Variants in NAF1 observed in about 807,000 individuals in gnomAD.
The protein encoded by NAF1 is nuclear assembly factor 1 ribonucleoprotein.
NAF1 carries 11 observed loss-of-function variants against 40.6 expected under a neutral mutation model. The observed-to-expected ratio is 0.27, with a 90% CI of 0.17 to 0.45. The LOEUF (loss-of-function observed/expected upper bound fraction) is 0.45, where lower values mean the gene tolerates loss of function less well. Ranked by LOEUF, NAF1 falls within the 20% of genes least tolerant of loss-of-function variation. The pLI is 1.00. For synonymous variants in NAF1, 260 were observed against 228.5 expected, an observed-to-expected ratio of 1.14 and a Z score of -1.24; for missense variants, 607 against 611.1, an observed-to-expected ratio of 0.99 and a Z score of 0.07.
chr4:163,164,371 G>A lies in NAF1; in HGVS notation c.386C>T (p.Ser129Leu), dbSNP rs775836279. The A allele has an allele frequency of 4.4e-6, 7 of 1,582,190 alleles. No homozygotes were observed. In the Admixed American group the frequency reaches 5.4e-5, roughly 12 times the overall value. ...DSDSETDSDS[S>L]SSSSSSSSSS... ...AGATGAAGAGGAAGACGATGAACTT[G>A]AACTATCTGAATCTGTTTCACTGTA... Residue 129 changes from serine (S) to leucine (L), a missense_variant, in exon 2 of 8, where the codon TCA becomes TTA. Ser to Leu is a moderately radical substitution (Grantham distance 145, BLOSUM62 -2). Coordinates refer to ENST00000274054, the MANE Select transcript of NAF1 (RefSeq NM_138386.3).
At chr4:163,163,659 G>A (rs1432745403) in intron 2 of NAF1, among the ~76,000 whole-genome samples, 4 of 147,342 alleles carry the variant, frequency 2.7e-5, no homozygotes, top group African/African-American at 1.1e-4. Flanking sequence ...CCTATCGAGT[G>A]CCAATAAATA....
At chr4:163,157,665 T>C (rs1732044935) in intron 2 of NAF1, among the ~76,000 whole-genome samples, 2 of 152,090 alleles carry the variant, frequency 1.3e-5, no homozygotes, top group African/African-American at 2.4e-5. Flanking sequence ...ACCACACTTC[T>C]GGAATATCCA....
chr4:163,130,259 A>T (rs914876024), intron 7 of NAF1, among the ~76,000 whole-genome samples: 1 of 152,224 alleles, frequency 6.6e-6, no homozygotes, highest in Non-Finnish European at 1.5e-5. Context: ...GAAAAAAATA[A>T]ATCAAGCAAG....
chr4:163,151,076 T>C lies in NAF1; in HGVS notation c.541-2642A>G, dbSNP rs188788194. Among the ~76,000 whole-genome samples the C allele has an allele frequency of 8.1e-3, 1,232 of 151,686 alleles. 8 individuals are homozygous for C. Among genetic ancestry groups the C allele is most frequent in the Non-Finnish European group, 0.014 (913 of 67,550 alleles). ...ATTGTTTCTTGTATAACTTTACATA[T>C]TTTTTAAGGGCTTATCTTTTATTAA... On this transcript the variant is annotated intron_variant, in intron 2 of 7. Coordinates refer to ENST00000274054, the MANE Select transcript of NAF1 (RefSeq NM_138386.3).
chr4:163,155,090 A>G (rs1696260431), intron 2 of NAF1, among the ~76,000 whole-genome samples: 1 of 152,192 alleles, frequency 6.6e-6, no homozygotes, highest in African/African-American at 2.4e-5. Context: ...AAGGTAATAT[A>G]AGATTTTTGT....
chr4:163,141,137 G>A (rs961629443), intron 4 of NAF1, among the ~76,000 whole-genome samples: 3 of 152,124 alleles, frequency 2.0e-5, no homozygotes, highest in African/African-American at 4.8e-5. Flanking sequence ...AGGTGAGGCG[G>A]GCGGATCACC....
chr4:163,146,197 T>A (rs1731462045), intron 3 of NAF1, among the ~76,000 whole-genome samples: 1 of 152,224 alleles, frequency 6.6e-6, no homozygotes. Context: ...AATAGTGTAA[T>A]CACGTTTAGT....
At chr4:163,159,823 T>C (rs1198197006) in intron 2 of NAF1, among the ~76,000 whole-genome samples, 2 of 152,218 alleles carry the variant, frequency 1.3e-5, no homozygotes, top group East Asian at 1.9e-4. Flanking sequence ...GACACATTAT[T>C]ATCCCTACTG....
intron 2 of NAF1, chr4:163,157,561 C>T (rs564729894): frequency 2.5e-4 from 38 of 151,902 alleles, no homozygotes; most frequent in African/African-American, 8.4e-4. Context: ...CACATTAATA[C>T]AGAAATTATA....
chr4:163,161,457 A>G (rs190291886), intron 2 of NAF1, among the ~76,000 whole-genome samples: 3 of 152,068 alleles, frequency 2.0e-5, no homozygotes. Context: ...GGGCGACAAG[A>G]GCGAAACTCT....
At chr4:163,125,392 C>G (rs1025047911), downstream of NAF1, among the ~76,000 whole-genome samples, 5 of 152,196 alleles carry the variant, frequency 3.3e-5, no homozygotes, top group African/African-American at 9.7e-5. Context: ...AAGTACTACT[C>G]CAGTGAACAC....
intron 2 of NAF1, among the ~76,000 whole-genome samples, chr4:163,163,843 AATTGATTT>A: frequency 6.6e-6 from 1 of 152,146 alleles, no homozygotes. Context: ...AGACCAAAAA[AATTGATTT>A]CAATTGCTAT....
At chr4:163,153,970 C>T (rs927251947) in intron 2 of NAF1, among the ~76,000 whole-genome samples, 1 of 152,128 alleles carries the variant, frequency 6.6e-6, no homozygotes, top group African/African-American at 2.4e-5. Context: ...CACGAGCCCA[C>T]TGGGAGGAAC....
intron 5 of NAF1, among the ~76,000 whole-genome samples, chr4:163,139,640 T>G (rs546717460): frequency 6.1e-4 from 93 of 152,120 alleles, no homozygotes; most frequent in African/African-American, 2.1e-3. Flanking sequence ...GCCACAGAAA[T>G]CACTTAGCAT....
chr4:163,157,998 T>G (rs1196993991), intron 2 of NAF1, among the ~76,000 whole-genome samples: 1 of 152,132 alleles, frequency 6.6e-6, no homozygotes, highest in Non-Finnish European at 1.5e-5. Flanking sequence ...TTGATGACTT[T>G]CTAAAGTAAA....
In NAF1 at chr4:163,133,185, C is replaced by T; in HGVS notation, c.1002G>A (p.Arg334=). The part of the protein sequence containing the change: ...KQRKKSQIQG[R]KKLKSEFNEP... The stretch of plus-strand genomic sequence containing the variant: ...CATTAAATTCAGATTTGAGTTTTTT[C>T]CGGCCTTGAATCTGAGATTTTTTCC... Residue 334 remains arginine (R), a synonymous_variant, in exon 7 of 8, where the codon CGG becomes CGA. Transcript: ENST00000274054. 6.2e-7 allele frequency: 1 copy of T among 1,613,768 alleles called. No homozygotes were observed. Among genetic ancestry groups the T allele is most frequent in the Non-Finnish European group, 8.5e-7 (1 of 1,179,856 alleles).
downstream of NAF1, among the ~76,000 whole-genome samples, chr4:163,123,898 T>G (rs1369733985): frequency 6.6e-6 from 1 of 152,226 alleles, no homozygotes; most frequent in Non-Finnish European, 1.5e-5. Context: ...TGCCTTTACA[T>G]CAGTTTAAAG....
chr4:163,113,757 T>C (rs2110805714), intron 2 of NAF1, among the ~76,000 whole-genome samples: 1 of 152,336 alleles, frequency 6.6e-6, no homozygotes, highest in East Asian at 1.9e-4. Context: ...AAGCCTTTAT[T>C]CTTTATTCCC....
chr4:163,131,787 T>G (rs1730884530), intron 7 of NAF1, among the ~76,000 whole-genome samples: 2 of 152,180 alleles, frequency 1.3e-5, no homozygotes, highest in African/African-American at 4.8e-5. Flanking sequence ...GACTACAGAC[T>G]AGAACAAATC....
Sources: allele counts gnomAD v4.1 joint callset (sites outside exome capture counted in the v4.1 genomes callset), GRCh38; gene constraint gnomAD v4.1.1; transcripts MANE v1.5; gene names NCBI Gene and HGNC (gene_info 2026-07-23, HGNC 2026-07-21).